The following C2orf66 variants were observed in gnomAD, a reference collection of about 807,000 sequenced individuals.
C2orf66 encodes uncharacterized protein C2orf66.
In C2orf66, 6 loss-of-function variants were observed where a neutral mutation model predicts 7.0. The observed-to-expected ratio is 0.86, with a 90% CI of 0.47 to 1.69. The LOEUF is 1.69. Among genes scored for constraint, C2orf66 ranks in the 40% most tolerant of loss-of-function variants. The pLI is 0.01. For synonymous variants in C2orf66, 38 were observed against 43.8 expected, an observed-to-expected ratio of 0.87 and a Z score of 0.52; for missense variants, 107 against 112.0, an observed-to-expected ratio of 0.96 and a Z score of 0.20.
chr2:196,813,352 T>G (rs1699893766), upstream of C2orf66, among the ~76,000 whole-genome samples: 2 of 152,252 alleles, frequency 1.3e-5, no homozygotes, highest in South Asian at 4.1e-4. Flanking sequence ...TAATAAACGG[T>G]GCTGGGAAAA....
upstream of C2orf66, among the ~76,000 whole-genome samples, chr2:196,813,431 G>A (rs576364025): frequency 3.9e-5 from 6 of 152,170 alleles, no homozygotes; most frequent in Non-Finnish European, 5.9e-5. Context: ...ATTAACTCAA[G>A]ATGGATAAAA....
At chr2:196,807,286 G>T in intron 2 of C2orf66, 138 bp downstream of exon 2, 1 of 516,660 alleles carries the variant, frequency 1.9e-6, no homozygotes, top group Non-Finnish European at 3.3e-6. Flanking sequence ...ATACTTAATA[G>T]TAATGAGTAT....
At chr2:196,822,174 A>G in the C2orf66 span, among the ~76,000 whole-genome samples, 3 of 151,730 alleles carry the variant, frequency 2.0e-5, no homozygotes, top group East Asian at 5.8e-4. Context: ...TGGCCTCCCA[A>G]AGTGCTGGGA....
At chr2:196,815,687 A>G in the C2orf66 span, among the ~76,000 whole-genome samples, 1 of 152,242 alleles carries the variant, frequency 6.6e-6, no homozygotes, top group Non-Finnish European at 1.5e-5. Flanking sequence ...TGAATTACAA[A>G]TTGAAGTATA....
chr2:196,813,182 A>G (rs568591200), upstream of C2orf66, among the ~76,000 whole-genome samples: 6 of 152,358 alleles, frequency 3.9e-5, no homozygotes, highest in East Asian at 1.2e-3. Flanking sequence ...AAACTGTCCT[A>G]CAAGGCTACA....
At chr2:196,806,980 A>T (rs1699826739) in intron 2 of C2orf66, among the ~76,000 whole-genome samples, 1 of 152,172 alleles carries the variant, frequency 6.6e-6, no homozygotes, top group Non-Finnish European at 1.5e-5. Flanking sequence ...TTCAAGCTCA[A>T]ATATATGCAT....
chr2:196,825,524 T>C, the C2orf66 span, among the ~76,000 whole-genome samples: 1 of 152,210 alleles, frequency 6.6e-6, no homozygotes, highest in Non-Finnish European at 1.5e-5. Flanking sequence ...TCATGGTGTA[T>C]ACATATATCA....
At chr2:196,823,845 A>T in the C2orf66 span, among the ~76,000 whole-genome samples, 1 of 152,172 alleles carries the variant, frequency 6.6e-6, no homozygotes, top group Non-Finnish European at 1.5e-5. Flanking sequence ...GGATATTACT[A>T]GCTACAATTT....
At chr2:196,820,065 A>C in the C2orf66 span, among the ~76,000 whole-genome samples, 1 of 152,206 alleles carries the variant, frequency 6.6e-6, no homozygotes, top group Non-Finnish European at 1.5e-5. Context: ...TGTTTTGTCC[A>C]AGTCCTGAGA....
At chr2:196,809,079 C>G (rs1192446221) in intron 1 of C2orf66, 135 bp downstream of exon 1, 1 of 932,642 alleles carries the variant, frequency 1.1e-6, no homozygotes, top group African/African-American at 1.6e-5. Context: ...AAACTCTGGT[C>G]CAATCCTGTT....
chr2:196,814,733 C>G, the C2orf66 span, among the ~76,000 whole-genome samples: 1 of 152,102 alleles, frequency 6.6e-6, no homozygotes, highest in Non-Finnish European at 1.5e-5. Flanking sequence ...TAAATTACAA[C>G]AGATTTTCAT....
upstream of C2orf66, chr2:196,809,496 T>G: frequency 4.8e-6 from 5 of 1,033,950 alleles, no homozygotes; most frequent in South Asian, 6.8e-5. Flanking sequence ...CCATCTTTTT[T>G]CCAGATTGAC....
At chr2:196,819,223 C>T in the C2orf66 span, among the ~76,000 whole-genome samples, 1 of 152,168 alleles carries the variant, frequency 6.6e-6, no homozygotes, top group Non-Finnish European at 1.5e-5. Context: ...ATGTAATTGA[C>T]TGAATGATTG....
chr2:196,813,748 T>C (rs964717830), upstream of C2orf66, among the ~76,000 whole-genome samples: 11 of 151,854 alleles, frequency 7.2e-5, no homozygotes, highest in Admixed American at 2.6e-4. Context: ...AACAACCCCA[T>C]CAAAAAGTGG....
At chr2:196,813,947 A>G (rs189366341), upstream of C2orf66, among the ~76,000 whole-genome samples, 302 of 152,354 alleles carry the variant, frequency 2.0e-3, 2 homozygotes, top group African/African-American at 6.8e-3. Context: ...GATGTGGAGA[A>G]ATAGGAGCGC....
At chr2:196,813,612 A>C (rs1346461572), upstream of C2orf66, among the ~76,000 whole-genome samples, 1 of 152,258 alleles carries the variant, frequency 6.6e-6, no homozygotes, top group African/African-American at 2.4e-5. Context: ...TCTGCACAGC[A>C]AAAGAAACTG....
the C2orf66 span, among the ~76,000 whole-genome samples, chr2:196,816,275 A>G: frequency 6.6e-6 from 1 of 152,064 alleles, no homozygotes. Context: ...TTGAAGTTGA[A>G]TTTCCCTCCT....
At chr2:196,812,712 G>A (rs1699888664), upstream of C2orf66, among the ~76,000 whole-genome samples, 1 of 152,194 alleles carries the variant, frequency 6.6e-6, no homozygotes, top group African/African-American at 2.4e-5. Flanking sequence ...ATCTCCTTAA[G>A]CTGATAAGCA....
upstream of C2orf66, chr2:196,809,402 A>G: frequency 1.9e-6 from 3 of 1,598,004 alleles, no homozygotes; most frequent in Non-Finnish European, 2.6e-6. Flanking sequence ...AGAGATAGTC[A>G]GGGAAGAGAG....
Sources: gnomAD v4.1 joint callset for allele counts (sites outside exome capture counted in the v4.1 genomes callset) on GRCh38, gnomAD v4.1.1 for gene constraint, MANE v1.5 for transcripts, NCBI Gene and HGNC (gene_info 2026-07-23, HGNC 2026-07-21) for gene names.